The following ALMS1 variants were observed in gnomAD, a reference collection of about 807,000 sequenced individuals.
ALMS1 encodes ALMS1 centrosome and basal body associated protein, also known as centrosome-associated protein ALMS1.
In ALMS1, 271 loss-of-function variants were observed where a neutral mutation model predicts 352.2. The ratio of observed to expected loss-of-function variants is 0.77; its 90% CI spans 0.70 to 0.85. The LOEUF is 0.85. Ranked by LOEUF, ALMS1 falls within the 40% of genes least tolerant of loss-of-function variation. The pLI is 0.00. For synonymous variants in ALMS1, 1,865 were observed against 1,761.2 expected (o/e 1.06, Z -1.48); for missense variants, 5,445 against 4,870.7 (o/e 1.12, Z -3.51).
intron 12 of ALMS1, among the ~76,000 whole-genome samples, chr2:73,542,620 G>T (rs895077569): frequency 1.3e-5 from 2 of 152,144 alleles, no homozygotes; most frequent in South Asian, 2.1e-4. Context: ...AAACCCCATT[G>T]TCTCAGCCCA....
At position 73,453,970 on chromosome 2, in the gene ALMS1, A is replaced by G; in HGVS notation, c.7443A>G (p.Ala2481=). The change falls in exon 8 of 23, where the codon GCA becomes GCG. Residue 2481 remains alanine (A), a synonymous_variant. Coordinates refer to ENST00000613296, the MANE Select transcript of ALMS1 (RefSeq NM_001378454.1). ...GGGSSVDSLA[A]HVKNLLQCES... is the part of the protein sequence containing the mutation. The stretch of plus-strand genomic sequence containing the variant: ...GTAGCAGTGTAGATTCACTGGCTGC[A>G]CATGTGAAAAACCTTCTGCAATGTG... The G allele has an allele frequency of 6.2e-7, 1 of 1,613,678 alleles. No homozygotes were observed. The highest frequency in any genetic ancestry group is 8.5e-7 in the Non-Finnish European group (1 of 1,179,914).
At chr2:73,522,594 A>G (rs982664591) in intron 11 of ALMS1, among the ~76,000 whole-genome samples, 3 of 150,296 alleles carry the variant, frequency 2.0e-5, no homozygotes, top group African/African-American at 7.3e-5. Context: ...TCAGCCTCCC[A>G]AGTAGCTGGG....
intron 1 of ALMS1, among the ~76,000 whole-genome samples, chr2:73,406,044 C>G (rs1670966354): frequency 6.6e-6 from 1 of 152,144 alleles, no homozygotes; most frequent in South Asian, 2.1e-4. Context: ...TCCAATTGGT[C>G]TGTAGTGCTG....
chr2:73,490,577 C>T lies in ALMS1; in HGVS notation c.8618C>T (p.Thr2873Ile). Reference sequence around the variant, plus strand: ...GTAAAAGAGAAGAATGTAACTATAACTCCAGATCTTCCTTCTTGCATTTTT... The same window carrying T: ...GTAAAAGAGAAGAATGTAACTATAATTCCAGATCTTCCTTCTTGCATTTTT... The part of the protein sequence containing the change: ...LGVKEKNVTI[T>I]PDLPSCIFLE... The change falls in exon 10 of 23, where the codon ACT (threonine) becomes ATT (isoleucine). Residue 2873 changes from threonine (T) to isoleucine (I), a missense_variant. By Grantham distance (89) the Thr-to-Ile change is moderately conservative. Transcript: ENST00000613296. The T allele has an allele frequency of 6.2e-7, 1 of 1,614,184 alleles. No homozygotes were observed. Among genetic ancestry groups the T allele is most frequent in the Non-Finnish European group, 8.5e-7 (1 of 1,180,012 alleles).
chr2:73,570,990 C>G (rs1674914851), intron 15 of ALMS1, among the ~76,000 whole-genome samples: 1 of 152,156 alleles, frequency 6.6e-6, no homozygotes. Flanking sequence ...TTCTTTGTAG[C>G]CCCTAATTTA....
intron 10 of ALMS1, among the ~76,000 whole-genome samples, chr2:73,511,955 A>C (rs1325112189): frequency 1.3e-5 from 2 of 152,158 alleles, no homozygotes; most frequent in East Asian, 3.8e-4. Flanking sequence ...TTTTATAGGA[A>C]ACTGCCAGAG....
intron 10 of ALMS1, among the ~76,000 whole-genome samples, chr2:73,509,531 G>A (rs930611261): frequency 2.6e-5 from 4 of 152,046 alleles, no homozygotes; most frequent in South Asian, 2.1e-4. Flanking sequence ...TTAGTTTGGC[G>A]GGATATGAAA....
intron 9 of ALMS1, chr2:73,458,384 T>G (rs1672117850): frequency 6.6e-6 from 1 of 152,222 alleles, no homozygotes; most frequent in South Asian, 2.1e-4. Context: ...TGGACATTTA[T>G]TCATTCATTC....
chr2:73,554,893 A>G (rs960635216), intron 13 of ALMS1, among the ~76,000 whole-genome samples: 1 of 152,242 alleles, frequency 6.6e-6, no homozygotes, highest in African/African-American at 2.4e-5. Context: ...AAAAAGCAAT[A>G]TGGTACTTAG....
intron 15 of ALMS1, among the ~76,000 whole-genome samples, chr2:73,560,756 A>G (rs1022237970): frequency 3.3e-5 from 5 of 152,276 alleles, no homozygotes; most frequent in African/African-American, 1.2e-4. Flanking sequence ...AGGAAATCCT[A>G]TCACATACTA....
intron 16 of ALMS1, among the ~76,000 whole-genome samples, chr2:73,594,386 G>T (rs191831644): frequency 2.6e-5 from 4 of 152,298 alleles, no homozygotes; most frequent in African/African-American, 9.6e-5. Flanking sequence ...AAATGAAAAC[G>T]GAAACATTCC....
intron 16 of ALMS1, among the ~76,000 whole-genome samples, chr2:73,584,727 A>G (rs1428479549): frequency 6.6e-6 from 1 of 152,182 alleles, no homozygotes; most frequent in Non-Finnish European, 1.5e-5. Context: ...TGGTGCACCC[A>G]TCACCTGAGC....
chr2:73,490,988 T>C lies in ALMS1; in HGVS notation c.9029T>C (p.Ile3010Thr), dbSNP rs780894681. The change falls in exon 10 of 23, where the codon ATA becomes ACA. Residue 3010 changes from isoleucine (I) to threonine (T), a missense_variant. Transcript: ENST00000613296. ...QHKPKSHISN[I>T]NVEAKFNTVV... ...AAGCCTAAATCACACATTTCTAATA[T>C]AAATGTTGAAGCCAAGTTCAATACT... 1.2e-5 allele frequency: 19 copies of C among 1,614,234 alleles called. No individual in the cohort carries two copies. Among genetic ancestry groups the C allele is most frequent in the East Asian group, 2.2e-5 (1 of 44,886 alleles).
chr2:73,547,303 A>G (rs1342372774), intron 12 of ALMS1, among the ~76,000 whole-genome samples: 1 of 152,198 alleles, frequency 6.6e-6, no homozygotes, highest in Non-Finnish European at 1.5e-5. Flanking sequence ...CATCTGTAAT[A>G]CCAAAAAAAG....
Position 73,448,904 on chromosome 2 carries a change from G to A in ALMS1, c.2377G>A (p.Val793Ile). 1.2e-6 allele frequency: 2 copies of A among 1,614,002 alleles called. No homozygotes were observed. Among genetic ancestry groups the A allele is most frequent in the African/African-American group, 1.3e-5 (1 of 75,004 alleles). Residue 793 changes from valine to isoleucine, a missense_variant, in exon 8 of 23, where the codon GTT becomes ATT. Physicochemically the swap from Val to Ile is conservative, Grantham distance 29. Coordinates refer to ENST00000613296, the MANE Select transcript of ALMS1 (RefSeq NM_001378454.1). ...LPEEGLKVSA[V>I]AGPADQKTGL... ...TGAAGAGGGTCTGAAAGTTTCAGCT[G>A]TTGCTGGACCAGCTGACCAGAAGAC...
chr2:73,420,916 T>A (rs1156902839), intron 3 of ALMS1, among the ~76,000 whole-genome samples: 5 of 152,068 alleles, frequency 3.3e-5, no homozygotes, highest in African/African-American at 7.2e-5. Flanking sequence ...GTTAGATACC[T>A]CAAAAAAGAG....
rs1310399994 is a variant in ALMS1, at chr2:73,424,633, C to G, written c.968C>G (p.Thr323Ser). The G allele has an allele frequency of 6.2e-7, 1 of 1,613,948 alleles. No homozygotes were observed. Residue 323 changes from threonine to serine, a missense_variant, in exon 5 of 23, where the codon ACT becomes AGT. Physicochemically the swap from Thr to Ser is moderately conservative, Grantham distance 58 (BLOSUM62 1). Coordinates refer to ENST00000613296, the MANE Select transcript of ALMS1 (RefSeq NM_001378454.1). ...TCTGAACAAGGGAATAATGAAGAGA[C>G]TATTTCGTCTGTTGATGAACTGAAA... ...LPSEQGNNEE[T>S]ISSVDELKIP...
In ALMS1 at chr2:73,422,681, A is replaced by G. The variant is rs530965723; in HGVS notation, c.647-176A>G. Among the ~76,000 whole-genome samples the G allele has an allele frequency of 1.3e-3, 194 of 152,246 alleles. 2 individuals are homozygous for G. Among genetic ancestry groups the G allele is most frequent in the Admixed American group, 7.8e-3 (119 of 15,286 alleles). ...GAAATATTGTGTGTTAAGCACCTGG[A>G]CCTTGTCAGACTCTCAATAAATGGT... On this transcript the variant is annotated intron_variant, in intron 3 of 22. Coordinates refer to ENST00000613296, the MANE Select transcript of ALMS1 (RefSeq NM_001378454.1).
At chr2:73,396,260 T>C (rs1670757879) in intron 1 of ALMS1, among the ~76,000 whole-genome samples, 1 of 152,096 alleles carries the variant, frequency 6.6e-6, no homozygotes. Context: ...TAACTCACTT[T>C]GTCACAGTGT....
Sources: allele counts gnomAD v4.1 joint callset (sites outside exome capture counted in the v4.1 genomes callset), GRCh38; gene constraint gnomAD v4.1.1; transcripts MANE v1.5; gene names NCBI Gene and HGNC (gene_info 2026-07-23, HGNC 2026-07-21).